Variants in DNAH7 observed in about 807,000 individuals in gnomAD.
The protein encoded by DNAH7 is axonemal beta dynein heavy chain 7.
DNAH7 carries 397 observed loss-of-function variants against 444.6 expected under a neutral mutation model. The observed-to-expected ratio is 0.89, with a 90% confidence interval of 0.82 to 0.97. DNAH7 has a LOEUF of 0.97. Ranked by LOEUF, DNAH7 falls within the 50% of genes least tolerant of loss-of-function variation. The pLI, the probability that DNAH7 is intolerant of heterozygous loss-of-function variation, is 0.00. For missense variants in DNAH7, 4,902 were observed against 4,800.8 expected, an observed-to-expected ratio of 1.02 and a Z score of -0.62; for synonymous variants, 1,636 against 1,624.4, an observed-to-expected ratio of 1.01 and a Z score of -0.17.
chr2:195,885,089 C>T (rs1211486046), intron 34 of DNAH7, among the ~76,000 whole-genome samples: 1 of 152,102 alleles, frequency 6.6e-6, no homozygotes, highest in Non-Finnish European at 1.5e-5. Flanking sequence ...ATTTTCAACA[C>T]ATGACAGCAG....
At chr2:196,007,636 C>T (rs1694459417) in intron 10 of DNAH7, among the ~76,000 whole-genome samples, 1 of 152,142 alleles carries the variant, frequency 6.6e-6, no homozygotes, top group African/African-American at 2.4e-5. Flanking sequence ...ATCACAGGGG[C>T]AGTTTCCCCT....
At chr2:195,822,073 TC>T (rs961693837) in intron 49 of DNAH7, among the ~76,000 whole-genome samples, 3 of 152,216 alleles carry the variant, frequency 2.0e-5, no homozygotes, top group Non-Finnish European at 4.4e-5. Context: ...ATAGATATAA[TC>T]ATAAATTTAT....
intron 57 of DNAH7, 86 bp from the exon 58 acceptor site, chr2:195,787,257 C>A (rs1411055624): frequency 1.6e-5 from 22 of 1,395,562 alleles, no homozygotes. Flanking sequence ...AAGCAAATTT[C>A]TTTCATTTAT....
intron 56 of DNAH7, among the ~76,000 whole-genome samples, chr2:195,795,178 C>T (rs1257818464): frequency 2.6e-5 from 4 of 152,168 alleles, no homozygotes; most frequent in Admixed American, 6.5e-5. Flanking sequence ...CTCAAGAGTT[C>T]GAGACCAGCC....
rs1306451663 is a variant in DNAH7 at position 195,817,772 on chromosome 2, T to C, written c.9349A>G (p.Ile3117Val). Residue 3117 changes from isoleucine to valine, a missense_variant, in exon 50 of 65, where the codon ATT becomes GTT. Ile to Val is a conservative substitution (Grantham distance 29). Transcript: ENST00000312428. ...TCTGGCCTTTCTTGTGCCACCACAA[T>C]TCCCAGAAGCTGATCTTGCATTCCC... The part of the protein sequence containing the change: ...PEGMQDQLLG[I>V]VVAQERPDLE... 6.2e-7 allele frequency: 1 copy of C among 1,613,200 alleles called. No individual in the cohort carries two copies. The highest frequency in any genetic ancestry group is 1.3e-5 in the African/African-American group (1 of 74,922).
chr2:195,984,953 T>C lies in DNAH7; in HGVS notation c.1755-243A>G, dbSNP rs544215105. Among the ~76,000 whole-genome samples the C allele has an allele frequency of 1.8e-4, 28 of 152,332 alleles. 1 individual carries two copies. The highest frequency in any genetic ancestry group is 5.5e-4 in the African/African-American group (23 of 41,574). ...CACATAAATGAATCAGATAGCATAA[T>C]GGCCCTCAAGCAACTCACAATACAG... On this transcript the variant is annotated intron_variant, in intron 14 of 64. Coordinates refer to ENST00000312428, the MANE Select transcript of DNAH7 (RefSeq NM_018897.3).
chr2:196,015,881 T>C (rs561960639), intron 9 of DNAH7, among the ~76,000 whole-genome samples: 8 of 152,266 alleles, frequency 5.3e-5, no homozygotes, highest in South Asian at 2.1e-4. Flanking sequence ...AATACTCACA[T>C]AGAGAATAAA....
chr2:196,063,712 C>T (rs1221743301), intron 1 of DNAH7: 1 of 152,336 alleles, frequency 6.6e-6, no homozygotes. Context: ...CCTTCAGGTC[C>T]TTTCCACAGA....
rs1193056852 is a variant in DNAH7 at position 195,853,310 on chromosome 2, A to G, written c.8781+33T>C. On this transcript the variant is annotated intron_variant, in intron 46 of 64. Transcript: ENST00000312428. Reference sequence around the variant, plus strand: ...GGGTTATATTGGCTGTGATGGGCAGAGGGTCAGGAAGAGATGGAATAGTGT... The same window carrying G: ...GGGTTATATTGGCTGTGATGGGCAGGGGGTCAGGAAGAGATGGAATAGTGT... 7.0e-6 allele frequency: 11 copies of G among 1,576,770 alleles called. No homozygotes were observed. The African/African-American group carries it at 8.1e-5, about 12-fold the overall frequency.
chr2:195,836,552 C>A (rs1266682495), intron 47 of DNAH7, among the ~76,000 whole-genome samples: 1 of 150,872 alleles, frequency 6.6e-6, no homozygotes, highest in Non-Finnish European at 1.5e-5. Flanking sequence ...GGAGTCATGG[C>A]TTCAACATAA....
intron 16 of DNAH7, among the ~76,000 whole-genome samples, chr2:195,970,902 A>G (rs1691796666): frequency 6.6e-6 from 1 of 152,216 alleles, no homozygotes; most frequent in African/African-American, 2.4e-5. Flanking sequence ...AATGAGAGGA[A>G]AAGTTCATCA....
In DNAH7 at chr2:195,888,449, T is replaced by C. The variant is rs199830549; in HGVS notation, c.5230-15A>G. On this transcript the variant is annotated splice_polypyrimidine_tract_variant and intron_variant, in intron 32 of 64. Coordinates refer to ENST00000312428, the MANE Select transcript of DNAH7 (RefSeq NM_018897.3). ...CATCTGGAAACCTGGAAAGCCATAA[T>C]TGGTTACCATCAAGGTAATAATGCT... is the stretch of plus-strand genomic sequence containing the variant. 320 of 1,576,872 alleles carry C rather than the reference T, an allele frequency of 2.0e-4. 3 individuals carry two copies. The East Asian group carries it at 3.4e-3, about 17-fold the overall frequency.
rs560804921 is a variant in DNAH7 at position 195,993,942 on chromosome 2, G to A, written c.1354-5713C>T. 2.8e-4 allele frequency among the ~76,000 whole-genome samples: 42 copies of A among 152,270 alleles called. 1 individual carries two copies. The highest frequency in any genetic ancestry group is 4.6e-4 in the Non-Finnish European group (31 of 68,032). On this transcript the variant is annotated intron_variant, in intron 12 of 64. Transcript: ENST00000312428. Reference sequence around the variant, plus strand: ...GCAAGCCAATCCGGGAAGAAGGAATGGAGGAAGAAAAAGTTAGAGTGAGAA... The same window carrying A: ...GCAAGCCAATCCGGGAAGAAGGAATAGAGGAAGAAAAAGTTAGAGTGAGAA...
chr2:196,001,942 C>A, intron 10 of DNAH7, 84 bp from the exon 11 acceptor site: 1 of 1,100,814 alleles, frequency 9.1e-7, no homozygotes, highest in Non-Finnish European at 1.3e-6. Flanking sequence ...AATTTCTGGA[C>A]ATCTAAAGGT....
chr2:195,972,110 G>C, intron 16 of DNAH7, 132 bp downstream of exon 16: 1 of 699,724 alleles, frequency 1.4e-6, no homozygotes, highest in Non-Finnish European at 2.3e-6. Context: ...AATATTTATA[G>C]TGAGATTATA....
At chr2:196,031,757 T>C (rs555873446) in intron 5 of DNAH7, among the ~76,000 whole-genome samples, 1 of 152,334 alleles carries the variant, frequency 6.6e-6, no homozygotes, top group South Asian at 2.1e-4. Context: ...CTCATCTCCA[T>C]CTGAGACCAC....
chr2:195,770,637 A>T (rs866357890), intron 61 of DNAH7, among the ~76,000 whole-genome samples: 3 of 152,270 alleles, frequency 2.0e-5, no homozygotes, highest in African/African-American at 7.2e-5. Context: ...ACCCAACCTA[A>T]GAGAGCTTCT....
intron 25 of DNAH7, among the ~76,000 whole-genome samples, chr2:195,909,123 T>C (rs1003583008): frequency 6.6e-6 from 1 of 152,060 alleles, no homozygotes; most frequent in African/African-American, 2.4e-5. Flanking sequence ...AAAAACTACC[T>C]ATTGGCTATT....
rs74680351 is a variant in DNAH7, at chr2:196,010,350, A to G, written c.989+2437T>C. 5.9e-3 allele frequency among the ~76,000 whole-genome samples: 895 copies of G among 152,056 alleles called. 3 individuals are homozygous for G. Among genetic ancestry groups the G allele is most frequent in the Non-Finnish European group, 8.8e-3 (595 of 67,974 alleles). On this transcript the variant is annotated intron_variant, in intron 10 of 64. Transcript: ENST00000312428. ...TTTTTAGTAGAGATAGGGTTTCACC[A>G]TGTTGATTGTGGTTTCAAACTCCTG... is the stretch of plus-strand genomic sequence containing the variant.
Sources: allele counts gnomAD v4.1 joint callset (sites outside exome capture counted in the v4.1 genomes callset), GRCh38; gene constraint gnomAD v4.1.1; transcripts MANE v1.5; gene names NCBI Gene and HGNC (gene_info 2026-07-23, HGNC 2026-07-21).